Variants in SCFD2 observed in about 807,000 individuals in gnomAD.
SCFD2 encodes the protein sec1 family domain containing 2.
In SCFD2, 54 loss-of-function variants were observed where a neutral mutation model predicts 58.9. That is an observed-to-expected ratio of 0.92 (90% CI 0.74 to 1.15). The LOEUF (loss-of-function observed/expected upper bound fraction) is 1.15. Ranked by LOEUF, SCFD2 falls within the 50% of genes most tolerant of loss-of-function variation. SCFD2 has a pLI of 0.00. For missense variants in SCFD2, 805 were observed against 836.6 expected (o/e 0.96, Z 0.47); for synonymous variants, 321 against 335.9 (o/e 0.96, Z 0.49).
At chr4:53,264,925 G>A (rs1049023722) in intron 4 of SCFD2, among the ~76,000 whole-genome samples, 10 of 152,030 alleles carry the variant, frequency 6.6e-5, no homozygotes, top group Admixed American at 3.9e-4. Flanking sequence ...CAATTTTCTT[G>A]AGTGACTTTA....
intron 3 of SCFD2, among the ~76,000 whole-genome samples, chr4:53,298,663 AC>A (rs1441811293): frequency 6.6e-6 from 1 of 152,002 alleles, no homozygotes; most frequent in Non-Finnish European, 1.5e-5. Context: ...TGGGTCCTTG[AC>A]CCCCGAGTAG....
intron 4 of SCFD2, among the ~76,000 whole-genome samples, chr4:53,223,183 TTC>T (rs1350263101): frequency 6.6e-6 from 1 of 152,244 alleles, no homozygotes; most frequent in African/African-American, 2.4e-5. Flanking sequence ...TCTCCAATTC[TTC>T]TCTTTTTTTA....
intron 4 of SCFD2, among the ~76,000 whole-genome samples, chr4:53,191,369 C>A (rs1432829028): frequency 2.6e-5 from 4 of 151,890 alleles, no homozygotes; most frequent in African/African-American, 9.7e-5. Flanking sequence ...GCAAAAAAAT[C>A]AAGTGTGAAA....
intron 5 of SCFD2, among the ~76,000 whole-genome samples, chr4:53,100,231 T>A (rs1232795895): frequency 6.6e-6 from 1 of 152,180 alleles, no homozygotes; most frequent in Admixed American, 6.6e-5. Context: ...TTATTTAATT[T>A]GCCTCAGTTC....
At chr4:53,058,215 T>C (rs1430382123) in intron 5 of SCFD2, among the ~76,000 whole-genome samples, 10 of 152,172 alleles carry the variant, frequency 6.6e-5, no homozygotes, top group Non-Finnish European at 1.5e-4. Flanking sequence ...AGATTATTAT[T>C]AATGTTTTGC....
chr4:53,256,987 T>G (rs535963731), intron 4 of SCFD2, among the ~76,000 whole-genome samples: 20 of 151,646 alleles, frequency 1.3e-4, no homozygotes, highest in African/African-American at 4.1e-4. Context: ...TCTCAGGTAT[T>G]TCCTCATAGC....
At chr4:53,214,581 A>C (rs1430880388) in intron 4 of SCFD2, among the ~76,000 whole-genome samples, 1 of 151,804 alleles carries the variant, frequency 6.6e-6, no homozygotes, top group Non-Finnish European at 1.5e-5. Flanking sequence ...GGTTGCAAAA[A>C]TTTTCTCCCA....
At chr4:53,218,491 A>C (rs1179589463) in intron 4 of SCFD2, among the ~76,000 whole-genome samples, 1 of 152,174 alleles carries the variant, frequency 6.6e-6, no homozygotes, top group Admixed American at 6.5e-5. Context: ...TTTCAGCTCC[A>C]TCAGGTCCTT....
intron 5 of SCFD2, among the ~76,000 whole-genome samples, chr4:52,932,338 T>C (rs1191173797): frequency 1.3e-5 from 2 of 152,204 alleles, no homozygotes; most frequent in Non-Finnish European, 2.9e-5. Flanking sequence ...TAATTGTCCA[T>C]TTGTAGAAAA....
At chr4:53,309,698 G>A (rs1732630202) in intron 3 of SCFD2, among the ~76,000 whole-genome samples, 1 of 152,184 alleles carries the variant, frequency 6.6e-6, no homozygotes, top group Non-Finnish European at 1.5e-5. Flanking sequence ...GAGTGAAGTG[G>A]AAAGAATGAA....
At chr4:53,257,668 T>C (rs1020043835) in intron 4 of SCFD2, among the ~76,000 whole-genome samples, 2 of 152,222 alleles carry the variant, frequency 1.3e-5, no homozygotes, top group African/African-American at 4.8e-5. Flanking sequence ...CTCCACAATT[T>C]TTCTTCCCAG....
intron 5 of SCFD2, among the ~76,000 whole-genome samples, chr4:53,129,123 A>C (rs1560348483): frequency 6.6e-6 from 1 of 152,236 alleles, no homozygotes; most frequent in Non-Finnish European, 1.5e-5. Flanking sequence ...GCTAATGAAC[A>C]CTGCACCTCA....
At chr4:53,182,185 A>G (rs902231006) in intron 4 of SCFD2, among the ~76,000 whole-genome samples, 1 of 152,152 alleles carries the variant, frequency 6.6e-6, no homozygotes, top group Non-Finnish European at 1.5e-5. Context: ...AAAAGAGCCC[A>G]CACTGCCAAG....
intron 7 of SCFD2, among the ~76,000 whole-genome samples, chr4:52,901,549 A>G (rs301090): frequency 0.24 from 36,133 of 152,130 alleles, 6,384 homozygotes; most frequent in African/African-American, 0.5. Context: ...GAGGCCCCTC[A>G]CTGCCAGCTG....
intron 3 of SCFD2, among the ~76,000 whole-genome samples, chr4:53,301,054 G>A (rs1164662851): frequency 6.6e-6 from 1 of 152,102 alleles, no homozygotes; most frequent in African/African-American, 2.4e-5. Flanking sequence ...AGAAGCAAGA[G>A]CAAACACATT....
At chr4:53,336,352 T>C (rs1196002603) in intron 2 of SCFD2, among the ~76,000 whole-genome samples, 1 of 152,078 alleles carries the variant, frequency 6.6e-6, no homozygotes, top group African/African-American at 2.4e-5. Context: ...TTCTATAAAG[T>C]ACAAATATAA....
chr4:52,905,218 C>T (rs369680182), intron 7 of SCFD2, among the ~76,000 whole-genome samples: 12 of 152,366 alleles, frequency 7.9e-5, no homozygotes, highest in African/African-American at 2.6e-4. Context: ...TCACCTCTAT[C>T]TCAAAGAAGT....
chr4:53,105,703 A>G (rs1410885796), intron 5 of SCFD2, among the ~76,000 whole-genome samples: 1 of 152,150 alleles, frequency 6.6e-6, no homozygotes, highest in Non-Finnish European at 1.5e-5. Context: ...GCTTATAGAT[A>G]AAACTCCCAT....
intron 4 of SCFD2, among the ~76,000 whole-genome samples, chr4:53,246,580 T>G (rs1473031767): frequency 6.6e-6 from 1 of 152,012 alleles, no homozygotes; most frequent in Non-Finnish European, 1.5e-5. Flanking sequence ...AAAGCTGACA[T>G]AAATAAGCAA....
Sources: allele counts gnomAD v4.1 joint callset (sites outside exome capture counted in the v4.1 genomes callset), GRCh38; gene constraint gnomAD v4.1.1; transcripts MANE v1.5; gene names NCBI Gene and HGNC (gene_info 2026-07-23, HGNC 2026-07-21).